The following PAK5 variants were observed in gnomAD, a reference collection of about 807,000 sequenced individuals.
The protein encoded by PAK5 is serine/threonine-protein kinase PAK 5.
In PAK5, 16 loss-of-function variants were observed where a neutral mutation model predicts 65.9. That is an observed-to-expected ratio of 0.24 (90% CI 0.16 to 0.37). PAK5 has a LOEUF of 0.37. Among genes scored for constraint, PAK5 ranks in the 10% least tolerant of loss-of-function variants. PAK5 has a pLI of 1.00. For missense variants in PAK5, 785 were observed against 903.9 expected (o/e 0.87, Z 1.69); for synonymous variants, 371 against 354.9 (o/e 1.05, Z -0.51).
chr20:9,715,594 C>T (rs1427889643), intron 1 of PAK5, among the ~76,000 whole-genome samples: 2 of 151,936 alleles, frequency 1.3e-5, no homozygotes, highest in South Asian at 2.1e-4. Flanking sequence ...GACACATGCA[C>T]ACGTATGTTT....
chr20:9,573,235 G>A (rs1343651943), intron 4 of PAK5, among the ~76,000 whole-genome samples: 1 of 151,686 alleles, frequency 6.6e-6, no homozygotes, highest in African/African-American at 2.4e-5. Flanking sequence ...AAAAGAAAAA[G>A]AGCAAAAAAG....
chr20:9,790,064 C>T (rs2049033816), intron 1 of PAK5, among the ~76,000 whole-genome samples: 1 of 152,118 alleles, frequency 6.6e-6, no homozygotes, highest in Non-Finnish European at 1.5e-5. Context: ...GCATCATCTA[C>T]CCCATTTCCC....
chr20:9,830,023 T>G (rs1978583109), intron 1 of PAK5, among the ~76,000 whole-genome samples: 1 of 152,102 alleles, frequency 6.6e-6, no homozygotes, highest in Non-Finnish European at 1.5e-5. Flanking sequence ...AGGAGCCCCA[T>G]GAGCAGTGAA....
At chr20:9,627,775 C>T (rs139543252) in intron 3 of PAK5, among the ~76,000 whole-genome samples, 2,930 of 151,976 alleles carry the variant, frequency 0.019, 98 homozygotes, top group African/African-American at 0.064. Context: ...TACAGGTGCC[C>T]GCCACCACAC....
chr20:9,669,812 T>A (rs1279469803), intron 2 of PAK5, among the ~76,000 whole-genome samples: 1 of 152,184 alleles, frequency 6.6e-6, no homozygotes, highest in East Asian at 1.9e-4. Context: ...AGGGTACATG[T>A]GCACAACGTG....
At chr20:9,814,876 A>C (rs1214876904) in intron 1 of PAK5, among the ~76,000 whole-genome samples, 2 of 152,156 alleles carry the variant, frequency 1.3e-5, no homozygotes, top group African/African-American at 4.8e-5. Flanking sequence ...TTGCTATAAA[A>C]GTATACCTGA....
intron 1 of PAK5, among the ~76,000 whole-genome samples, chr20:9,810,872 C>T (rs1410852667): frequency 1.3e-5 from 2 of 152,144 alleles, no homozygotes; most frequent in East Asian, 1.9e-4. Flanking sequence ...GACATATATA[C>T]ATACACATGC....
chr20:9,684,369 T>C (rs1376334580), intron 2 of PAK5, among the ~76,000 whole-genome samples: 1 of 152,188 alleles, frequency 6.6e-6, no homozygotes, highest in Non-Finnish European at 1.5e-5. Flanking sequence ...ACTGAGAATT[T>C]TGAAGCTGTT....
At chr20:9,593,725 A>T (rs985213131) in intron 3 of PAK5, among the ~76,000 whole-genome samples, 40 of 152,188 alleles carry the variant, frequency 2.6e-4, no homozygotes, top group African/African-American at 9.4e-4. Context: ...TAACTCTGCA[A>T]CATTTCTTTC....
At chr20:9,629,044 G>T (rs902828293) in intron 3 of PAK5, among the ~76,000 whole-genome samples, 1 of 152,010 alleles carries the variant, frequency 6.6e-6, no homozygotes, top group Non-Finnish European at 1.5e-5. Flanking sequence ...TCTCCTTTCT[G>T]GCCTCAGTAC....
chr20:9,808,393 G>C (rs2049258338), intron 1 of PAK5, among the ~76,000 whole-genome samples: 2 of 152,088 alleles, frequency 1.3e-5, no homozygotes, highest in South Asian at 2.1e-4. Flanking sequence ...GCACTTCTAG[G>C]TAAGTACCCA....
At chr20:9,652,166 A>G (rs1451211469) in intron 2 of PAK5, among the ~76,000 whole-genome samples, 1 of 152,136 alleles carries the variant, frequency 6.6e-6, no homozygotes, top group East Asian at 1.9e-4. Flanking sequence ...AGGTTTAATG[A>G]CTGGTCCTTC....
chr20:9,693,674 A>T (rs2047828296), intron 2 of PAK5, among the ~76,000 whole-genome samples: 1 of 152,156 alleles, frequency 6.6e-6, no homozygotes, highest in Non-Finnish European at 1.5e-5. Context: ...TTTACATGCT[A>T]AAACCAAAAA....
intron 1 of PAK5, among the ~76,000 whole-genome samples, chr20:9,764,717 G>A (rs1008846533): frequency 2.0e-5 from 3 of 152,132 alleles, no homozygotes; most frequent in South Asian, 2.1e-4. Context: ...TTAAGAAACA[G>A]TTTCTTCTAT....
At chr20:9,819,840 T>C (rs985600748) in intron 1 of PAK5, among the ~76,000 whole-genome samples, 9 of 152,182 alleles carry the variant, frequency 5.9e-5, no homozygotes, top group African/African-American at 2.2e-4. Context: ...CCTGAGACTT[T>C]TGTTAGAACT....
intron 3 of PAK5, among the ~76,000 whole-genome samples, chr20:9,629,724 C>T (rs2046897428): frequency 6.6e-6 from 1 of 152,166 alleles, no homozygotes; most frequent in South Asian, 2.1e-4. Flanking sequence ...TATCTTTAAA[C>T]AATGTCACAT....
At chr20:9,686,600 C>T (rs144483356) in intron 2 of PAK5, among the ~76,000 whole-genome samples, 2 of 152,252 alleles carry the variant, frequency 1.3e-5, no homozygotes, top group Non-Finnish European at 2.9e-5. Flanking sequence ...ATTACAGCTC[C>T]TGTGAAAACA....
At position 9,672,334 on chromosome 20, in the gene PAK5, C is replaced by T. The variant is rs1013671093; in HGVS notation, c.-11-27995G>A. 2.7e-5 allele frequency among the ~76,000 whole-genome samples: 4 copies of T among 147,810 alleles called. No homozygotes were observed. In the East Asian group the frequency reaches 5.9e-4, roughly 22 times the overall value. On this transcript the variant is annotated intron_variant, in intron 2 of 9. Transcript: ENST00000353224. ...TTAATATACATGTGAAATCCTGGCACATACTAGATACTCAGTGATATAGTT... is the reference window on the plus strand; with the variant it reads ...TTAATATACATGTGAAATCCTGGCATATACTAGATACTCAGTGATATAGTT...
At chr20:9,821,874 T>C (rs2049424822) in intron 1 of PAK5, among the ~76,000 whole-genome samples, 1 of 152,196 alleles carries the variant, frequency 6.6e-6, no homozygotes, top group Non-Finnish European at 1.5e-5. Context: ...TCTCCAGCTT[T>C]CCCAAGTTTC....
Sources: gnomAD v4.1 joint callset for allele counts (sites outside exome capture counted in the v4.1 genomes callset) on GRCh38, gnomAD v4.1.1 for gene constraint, MANE v1.5 for transcripts, NCBI Gene and HGNC (gene_info 2026-07-23, HGNC 2026-07-21) for gene names.